Variants in C2 observed in about 807,000 individuals in gnomAD.
The protein encoded by C2 is C3/C5 convertase.
A neutral mutation model predicts 85.2 loss-of-function variants in C2; 64 were observed. The observed-to-expected ratio is 0.75, with a 90% CI of 0.61 to 0.92. C2 has a LOEUF of 0.92. C2 is among the 40% of genes least tolerant of loss of function. The pLI is 0.00. For missense variants in C2, 820 were observed against 971.6 expected (o/e 0.84, Z 2.07); for synonymous variants, 311 against 370.8 (o/e 0.84, Z 1.85).
intron 1 of C2, among the ~76,000 whole-genome samples, chr6:31,906,784 A>AT (rs1423207664): frequency 6.6e-6 from 1 of 151,782 alleles, no homozygotes; most frequent in African/African-American, 2.4e-5. Flanking sequence ...TGTTCATTTT[A>AT]TTTTTTTCAT....
intron 1 of C2, among the ~76,000 whole-genome samples, chr6:31,902,398 C>T (rs1384912386): frequency 1.3e-5 from 2 of 151,780 alleles, no homozygotes; most frequent in Non-Finnish European, 2.9e-5. Context: ...CGCCGCATCC[C>T]GCAGCGCGCG....
At chr6:31,906,806 T>C (rs1767741851) in intron 1 of C2, among the ~76,000 whole-genome samples, 2 of 151,784 alleles carry the variant, frequency 1.3e-5, no homozygotes, top group African/African-American at 4.8e-5. Context: ...GAGTCATTCG[T>C]GAGAGCAGAA....
At chr6:31,900,880 G>A (rs375461795), upstream of C2, 1 of 1,613,738 alleles carries the variant, frequency 6.2e-7, no homozygotes, top group Non-Finnish European at 8.5e-7. The surrounding 1 kb of genome is among the most constrained non-coding windows in gnomAD (Gnocchi z 9.7). Flanking sequence ...TGCTCACAAG[G>A]CTAGCCTCAC....
chr6:31,913,670 G>A (rs1308714096), intron 1 of C2, among the ~76,000 whole-genome samples: 1 of 151,292 alleles, frequency 6.6e-6, no homozygotes, highest in East Asian at 1.9e-4. Flanking sequence ...TTTTTGAGAT[G>A]GAGTCTCATT....
At chr6:31,939,714 A>T (rs913323941) in intron 9 of C2, among the ~76,000 whole-genome samples, 4 of 151,962 alleles carry the variant, frequency 2.6e-5, no homozygotes, top group Non-Finnish European at 5.9e-5. Context: ...CAGCTTCCCA[A>T]AGTGGTAGGA....
upstream of C2, chr6:31,900,262 C>T: frequency 2.5e-6 from 4 of 1,613,674 alleles, no homozygotes; most frequent in South Asian, 1.1e-5. The surrounding 1 kb of genome is among the most constrained non-coding windows in gnomAD (Gnocchi z 9.7). Flanking sequence ...TGTGGAAGAC[C>T]AGCTTCTCCA....
upstream of C2, among the ~76,000 whole-genome samples, chr6:31,916,751 T>C (rs9267674): frequency 0.07 from 141 of 2,010 alleles, 1 homozygote; most frequent in East Asian, 0.5. Flanking sequence ...TTCTCTGCCC[T>C]TTTTTTTTTT....
At chr6:31,898,768 C>G (rs562816648), upstream of C2, among the ~76,000 whole-genome samples, 4 of 152,050 alleles carry the variant, frequency 2.6e-5, no homozygotes, top group African/African-American at 7.2e-5. Context: ...ATCCCTAGCA[C>G]TGATCCTAAG....
At chr6:31,934,616 G>C in intron 6 of C2, 1 of 1,382,392 alleles carries the variant, frequency 7.2e-7, no homozygotes, top group Middle Eastern at 2.7e-4. Flanking sequence ...GAGTGAAGCA[G>C]AAAAATACTG....
chr6:31,937,441 A>G lies in C2; in HGVS notation c.1111A>G (p.Ile371Val), dbSNP rs1179897377. Residue 371 changes from isoleucine (I) to valine (V), a missense_variant, in exon 8 of 18, where the codon ATC (isoleucine) becomes GTC (valine). Coordinates refer to ENST00000299367, the MANE Select transcript of C2 (RefSeq NM_000063.6). ...GGCCTGGCAGGAAATCCGACATGCC[A>G]TCATCCTTCTGACAGATGGTGGGTA... The part of the protein sequence containing the change: ...TMAWQEIRHA[I>V]ILLTDGKSNM... 1 of 1,612,882 alleles carries G rather than the reference A, an allele frequency of 6.2e-7. No individual in the cohort carries two copies.
At chr6:31,899,924 G>A, upstream of C2, 2 of 1,573,082 alleles carry the variant, frequency 1.3e-6, no homozygotes, top group Non-Finnish European at 1.7e-6. Context: ...ACGCCTGCGC[G>A]GCTAGCGGAT....
chr6:31,913,182 G>A (rs956326307), intron 1 of C2, among the ~76,000 whole-genome samples: 2 of 152,158 alleles, frequency 1.3e-5, no homozygotes, highest in African/African-American at 4.8e-5. Context: ...CCAGTCTCAA[G>A]TGATTCTCCT....
chr6:31,928,605 A>G (rs1769458174), intron 2 of C2, 127 bp from the exon 3 acceptor site: 33 of 908,608 alleles, frequency 3.6e-5, no homozygotes, highest in Non-Finnish European at 5.5e-5. Context: ...TTGCAACCTA[A>G]TATTTCAGTG....
At chr6:31,928,992 G>A in intron 3 of C2, 75 bp downstream of exon 3, 1 of 1,383,218 alleles carries the variant, frequency 7.2e-7, no homozygotes, top group Middle Eastern at 2.5e-4. Context: ...TGTGCATCCA[G>A]GAAGCCTCTG....
chr6:31,943,142 G>A lies in C2; in HGVS notation c.1360+43G>A. ...TCCTTGGTGTGGGGAGGATGGTGAG[G>A]AGCCCGCCAGAGGCCCGTGTTGGGA... On this transcript the variant is annotated intron_variant, in intron 10 of 17. Transcript: ENST00000299367. The surrounding 1 kb of genome is among the most constrained non-coding windows in gnomAD (Gnocchi z 6.4). 1.9e-6 allele frequency: 3 copies of A among 1,612,868 alleles called. No individual in the cohort carries two copies. Among genetic ancestry groups the A allele is most frequent in the Non-Finnish European group, 2.5e-6 (3 of 1,179,890 alleles).
intron 3 of C2, among the ~76,000 whole-genome samples, chr6:31,930,987 C>T (rs1562588973): frequency 1.3e-5 from 2 of 152,244 alleles, no homozygotes; most frequent in Non-Finnish European, 2.9e-5. Flanking sequence ...GGTAACTGCT[C>T]TTCTGACCTC....
At chr6:31,916,280 C>T (rs962962932), upstream of C2, among the ~76,000 whole-genome samples, 1 of 152,006 alleles carries the variant, frequency 6.6e-6, no homozygotes, top group East Asian at 1.9e-4. Flanking sequence ...TGATGTTGGC[C>T]GGGTATGGTG....
intron 7 of C2, chr6:31,937,066 G>A (rs965324161): frequency 6.1e-6 from 3 of 491,802 alleles, no homozygotes; most frequent in Non-Finnish European, 1.1e-5. Context: ...AAAATTAGCT[G>A]GGCATGGTGG....
chr6:31,919,573 C>T (rs1453358227), upstream of C2, among the ~76,000 whole-genome samples: 1 of 152,212 alleles, frequency 6.6e-6, no homozygotes, highest in Non-Finnish European at 1.5e-5. Flanking sequence ...AGGCAACTCT[C>T]CTATCCAGTT....
Sources: allele counts gnomAD v4.1 joint callset (sites outside exome capture counted in the v4.1 genomes callset), GRCh38; gene constraint gnomAD v4.1.1; non-coding constraint Gnocchi (gnomAD v3.1); transcripts MANE v1.5; gene names NCBI Gene and HGNC (gene_info 2026-07-23, HGNC 2026-07-21).